Variants in CORO2B observed in about 807,000 individuals in gnomAD.
The protein encoded by CORO2B is coronin 2B.
A neutral mutation model predicts 58.8 loss-of-function variants in CORO2B; 26 were observed. That is an observed-to-expected ratio of 0.44 (90% CI 0.32 to 0.61). The LOEUF (loss-of-function observed/expected upper bound fraction) is 0.61. Ranked by LOEUF, CORO2B falls within the 20% of genes least tolerant of loss-of-function variation. The pLI, the probability that CORO2B is intolerant of heterozygous loss-of-function variation, is 0.04. For missense variants in CORO2B, 460 were observed against 645.1 expected (o/e 0.71, Z 3.11); for synonymous variants, 242 against 253.8 (o/e 0.95, Z 0.44).
intron 3 of CORO2B, among the ~76,000 whole-genome samples, chr15:68,695,778 T>C (rs1352224702): frequency 6.6e-6 from 1 of 151,914 alleles, no homozygotes; most frequent in Non-Finnish European, 1.5e-5. Flanking sequence ...AAATTTGAAC[T>C]CCATGTGTCC....
At chr15:68,519,728 A>G in the CORO2B span, among the ~76,000 whole-genome samples, 2 of 152,086 alleles carry the variant, frequency 1.3e-5, no homozygotes, top group African/African-American at 4.8e-5. Flanking sequence ...ATAGCTTGCC[A>G]TTCTTTTTCT....
chr15:68,630,854 A>G (rs1315389944), intron 1 of CORO2B, among the ~76,000 whole-genome samples: 1 of 152,088 alleles, frequency 6.6e-6, no homozygotes, highest in Non-Finnish European at 1.5e-5. Flanking sequence ...GAGCGCCAGG[A>G]TTTACATCCT....
chr15:68,655,088 C>T (rs1444322089), intron 2 of CORO2B, among the ~76,000 whole-genome samples: 1 of 152,140 alleles, frequency 6.6e-6, no homozygotes, highest in Non-Finnish European at 1.5e-5. Flanking sequence ...TGGTGGTGCC[C>T]CTCTCAAGCC....
chr15:68,658,750 G>A (rs1022983554), intron 2 of CORO2B, among the ~76,000 whole-genome samples: 2 of 152,176 alleles, frequency 1.3e-5, no homozygotes, highest in African/African-American at 4.8e-5. Flanking sequence ...AGTAGATAAA[G>A]TACCCCAGCT....
chr15:68,719,425 T>C lies in CORO2B; in HGVS notation c.1184T>C (p.Met395Thr), dbSNP rs951036271. ...TTGCCTTCTTTAGATCCCGTGCTGA[T>C]GTCTTTGAAAGAAGGCTATAAGAAG... ...LGGINRDPVL[M>T]SLKEGYKKSS... is the part of the protein sequence containing the mutation. Residue 395 changes from methionine to threonine, a missense_variant, in exon 11 of 12, where the codon ATG becomes ACG. By Grantham distance (81) the Met-to-Thr change is moderately conservative. Coordinates refer to ENST00000261861, the MANE Select transcript of CORO2B (RefSeq NM_006091.5). The C allele has an allele frequency of 6.2e-7, 1 of 1,613,890 alleles. No individual in the cohort carries two copies. The highest frequency in any genetic ancestry group is 8.5e-7 in the Non-Finnish European group (1 of 1,179,984).
chr15:68,705,752 G>A (rs372439439), intron 3 of CORO2B, among the ~76,000 whole-genome samples: 4 of 152,272 alleles, frequency 2.6e-5, no homozygotes, highest in Admixed American at 6.5e-5. Context: ...CCTAGGCAGA[G>A]CTGTCACCTC....
chr15:68,534,380 C>A, the CORO2B span, among the ~76,000 whole-genome samples: 1 of 152,256 alleles, frequency 6.6e-6, no homozygotes, highest in African/African-American at 2.4e-5. Context: ...ACCTATTTCT[C>A]CTGGTAAAGT....
At chr15:68,582,478 G>A (rs541295062) in intron 1 of CORO2B, among the ~76,000 whole-genome samples, 44 of 152,288 alleles carry the variant, frequency 2.9e-4, no homozygotes, top group Non-Finnish European at 5.4e-4. Context: ...TCCCTGAGAC[G>A]AGTAGCTCCA....
rs568162904 is a variant in CORO2B, at chr15:68,661,596, A to G, written c.216+16236A>G. ...ATAAACCTGACTACATTTGCACAAAACAGTAGAGTTAGCCTACCCCTTTCT... is the reference window on the plus strand; with the variant it reads ...ATAAACCTGACTACATTTGCACAAAGCAGTAGAGTTAGCCTACCCCTTTCT... On this transcript the variant is annotated intron_variant, in intron 2 of 11. Coordinates refer to ENST00000261861, the MANE Select transcript of CORO2B (RefSeq NM_006091.5). 2.0e-5 allele frequency among the ~76,000 whole-genome samples: 3 copies of G among 152,302 alleles called. No homozygotes were observed. In the East Asian group the frequency reaches 5.8e-4, roughly 29 times the overall value.
chr15:68,617,944 A>G (rs942569792), intron 1 of CORO2B, among the ~76,000 whole-genome samples: 2 of 152,176 alleles, frequency 1.3e-5, no homozygotes, highest in East Asian at 1.9e-4. Flanking sequence ...AGATTTTTCA[A>G]TTCACTTCAG....
chr15:68,672,087 G>T (rs1310525624), intron 2 of CORO2B, among the ~76,000 whole-genome samples: 2 of 151,916 alleles, frequency 1.3e-5, no homozygotes, highest in Non-Finnish European at 2.9e-5. Context: ...CCACTTGTTC[G>T]CTGAGTGCAG....
chr15:68,725,988 C>T lies in CORO2B; in HGVS notation c.*14C>T, dbSNP rs371215024. ...AAGAACTGTTAGCTCCCCAGCTGGG[C>T]TGTTTTCTAAGCCGATCTCTCCGTC... On this transcript the variant is annotated 3_prime_UTR_variant, in exon 12 of 12. Coordinates refer to ENST00000261861, the MANE Select transcript of CORO2B (RefSeq NM_006091.5). 12 of 1,612,430 alleles carry T rather than the reference C, an allele frequency of 7.4e-6. No homozygotes were observed. The highest frequency in any genetic ancestry group is 1.3e-5 in the African/African-American group (1 of 75,046).
chr15:68,559,695 C>T, the CORO2B span: 2 of 632,736 alleles, frequency 3.2e-6, no homozygotes, highest in Non-Finnish European at 3.8e-6. The surrounding 1 kb of genome is among the most constrained non-coding windows in gnomAD (Gnocchi z 4.3). Context: ...TGGTGCAGTG[C>T]TCTCTGGGGT....
intron 2 of CORO2B, among the ~76,000 whole-genome samples, chr15:68,666,630 CT>C (rs1170119264): frequency 1.3e-5 from 2 of 152,098 alleles, no homozygotes; most frequent in African/African-American, 4.8e-5. Flanking sequence ...TGAATGAGCT[CT>C]TCCTGGAGAG....
At chr15:68,596,813 A>G (rs1435008519) in intron 1 of CORO2B, among the ~76,000 whole-genome samples, 1 of 152,164 alleles carries the variant, frequency 6.6e-6, no homozygotes, top group African/African-American at 2.4e-5. Flanking sequence ...CCACAAACCC[A>G]CGGGGAGAAA....
intron 2 of CORO2B, among the ~76,000 whole-genome samples, chr15:68,654,921 C>G (rs1417760194): frequency 1.3e-5 from 2 of 152,198 alleles, no homozygotes; most frequent in African/African-American, 2.4e-5. Context: ...AGTGAGCTAC[C>G]TCGAGGGGAA....
intron 1 of CORO2B, among the ~76,000 whole-genome samples, chr15:68,605,925 C>T (rs1900109454): frequency 6.6e-6 from 1 of 151,808 alleles, no homozygotes; most frequent in Non-Finnish European, 1.5e-5. Context: ...GGGGTTTCAC[C>T]ATGTTGGTCA....
intron 1 of CORO2B, among the ~76,000 whole-genome samples, chr15:68,630,274 GA>G (rs1900791951): frequency 6.6e-6 from 1 of 152,206 alleles, no homozygotes; most frequent in East Asian, 1.9e-4. Flanking sequence ...GCATGAACTT[GA>G]CTATCGCTCC....
chr15:68,609,224 G>A (rs1205089829), intron 1 of CORO2B, among the ~76,000 whole-genome samples: 4 of 152,196 alleles, frequency 2.6e-5, no homozygotes, highest in East Asian at 1.9e-4. Context: ...TTGTGGTGGT[G>A]GTGGTTGGGG....
Sources: allele counts gnomAD v4.1 joint callset (sites outside exome capture counted in the v4.1 genomes callset), GRCh38; gene constraint gnomAD v4.1.1; non-coding constraint Gnocchi (gnomAD v3.1); transcripts MANE v1.5; gene names NCBI Gene and HGNC (gene_info 2026-07-23, HGNC 2026-07-21).